The following MAST4 variants were observed in gnomAD, a reference collection of about 807,000 sequenced individuals.
MAST4 encodes the protein microtubule-associated serine/threonine-protein kinase 4.
MAST4 carries 89 observed loss-of-function variants against 162.7 expected under a neutral mutation model. The ratio of observed to expected loss-of-function variants is 0.55; its 90% CI spans 0.46 to 0.65. The LOEUF is 0.65. Ranked by LOEUF, MAST4 falls within the 30% of genes least tolerant of loss-of-function variation. MAST4 has a pLI of 0.00. For synonymous variants in MAST4, 1,479 were observed against 1,361.1 expected (o/e 1.09, Z -1.91); for missense variants, 3,153 against 3,374.0 (o/e 0.93, Z 1.62).
chr5:66,908,651 GT>G (rs1243514362), intron 4 of MAST4, among the ~76,000 whole-genome samples: 5 of 152,164 alleles, frequency 3.3e-5, no homozygotes, highest in African/African-American at 1.2e-4. Context: ...TTGGGGGAAA[GT>G]TTTTTAGTGA....
intron 1 of MAST4, among the ~76,000 whole-genome samples, chr5:66,739,338 C>G (rs1752349445): frequency 1.3e-5 from 2 of 152,118 alleles, no homozygotes; most frequent in East Asian, 3.8e-4. Context: ...ATTCTTGTTT[C>G]CTTGACCTCT....
chr5:66,700,747 G>A (rs1255918221), intron 1 of MAST4, among the ~76,000 whole-genome samples: 1 of 150,034 alleles, frequency 6.7e-6, no homozygotes, highest in African/African-American at 2.5e-5. Context: ...TCCTTTCTCT[G>A]TATGGAAATG....
At chr5:66,801,004 C>A (rs2149696332) in intron 3 of MAST4, among the ~76,000 whole-genome samples, 1 of 152,244 alleles carries the variant, frequency 6.6e-6, no homozygotes, top group Non-Finnish European at 1.5e-5. Flanking sequence ...ATATTCCCAT[C>A]TTTTTTTGCC....
chr5:66,845,126 T>TACATAC (rs1554058479), intron 3 of MAST4, among the ~76,000 whole-genome samples: 3 of 67,172 alleles, frequency 4.5e-5, no homozygotes, highest in African/African-American at 1.7e-4. Context: ...TATATATATA[T>TACATAC]ACACACACAC....
intron 1 of MAST4, among the ~76,000 whole-genome samples, chr5:66,715,344 G>A (rs1039397121): frequency 1.3e-5 from 2 of 152,144 alleles, no homozygotes; most frequent in Middle Eastern, 3.4e-3. Context: ...TGAACAGTTT[G>A]TCAAAAAATG....
chr5:66,821,688 G>A (rs1415110049), intron 3 of MAST4, among the ~76,000 whole-genome samples: 2 of 152,174 alleles, frequency 1.3e-5, no homozygotes, highest in East Asian at 1.9e-4. Context: ...ATGCTGTAGT[G>A]TGTGTTTTAG....
At chr5:66,885,167 G>T (rs1296590381) in intron 3 of MAST4, among the ~76,000 whole-genome samples, 6 of 152,108 alleles carry the variant, frequency 3.9e-5, no homozygotes, top group Admixed American at 3.9e-4. Flanking sequence ...CAGTCAATAT[G>T]TTTACTCTAC....
chr5:66,629,990 C>A (rs985495987), intron 1 of MAST4, among the ~76,000 whole-genome samples: 8 of 151,948 alleles, frequency 5.3e-5, no homozygotes, highest in African/African-American at 1.9e-4. Flanking sequence ...GGTTTAATAC[C>A]AATTTTTAAC....
At chr5:66,885,294 G>A (rs1038376656) in intron 3 of MAST4, among the ~76,000 whole-genome samples, 1 of 152,144 alleles carries the variant, frequency 6.6e-6, no homozygotes, top group Non-Finnish European at 1.5e-5. Flanking sequence ...ATGATTTTGT[G>A]TACTTTGAAG....
chr5:66,753,627 A>T (rs2149599187), intron 1 of MAST4, among the ~76,000 whole-genome samples: 1 of 151,802 alleles, frequency 6.6e-6, no homozygotes, highest in South Asian at 2.1e-4. Flanking sequence ...TGAATAGACC[A>T]ATAACAGGCT....
At chr5:66,608,362 T>A (rs75720261) in intron 1 of MAST4, among the ~76,000 whole-genome samples, 1 of 133,230 alleles carries the variant, frequency 7.5e-6, no homozygotes, top group East Asian at 2.1e-4. Context: ...GGCCTTTTTT[T>A]TTTTTTTTTT....
At chr5:66,789,584 G>C (rs1428479818) in intron 3 of MAST4, 1 of 343,102 alleles carries the variant, frequency 2.9e-6, no homozygotes, top group East Asian at 9.0e-5. Flanking sequence ...CGAGATTCAG[G>C]TTTTTGCATT....
rs137880884 is a variant in MAST4, at chr5:66,777,583, A to T, written c.518-11087A>T. Reference sequence around the variant, plus strand: ...TTGAAATCAACAGTTTGATTTTATGAGTTTAGAAATTAAGGGTCTTTCAAG... The same window carrying T: ...TTGAAATCAACAGTTTGATTTTATGTGTTTAGAAATTAAGGGTCTTTCAAG... On this transcript the variant is annotated intron_variant, in intron 2 of 28. Coordinates refer to ENST00000403625, the MANE Select transcript of MAST4 (RefSeq NM_001164664.2). Among the ~76,000 whole-genome samples the T allele has an allele frequency of 2.5e-4, 38 of 152,230 alleles. No homozygotes were observed. In the East Asian group the frequency reaches 7.3e-3, roughly 29 times the overall value.
At chr5:66,787,663 C>T (rs141876678) in intron 2 of MAST4, among the ~76,000 whole-genome samples, 2 of 152,320 alleles carry the variant, frequency 1.3e-5, no homozygotes, top group East Asian at 3.9e-4. Flanking sequence ...TGCTGCAATC[C>T]CTCATGATTC....
At chr5:66,720,973 T>C (rs902783959) in intron 1 of MAST4, among the ~76,000 whole-genome samples, 1 of 152,076 alleles carries the variant, frequency 6.6e-6, no homozygotes, top group African/African-American at 2.4e-5. Context: ...CACTCTCTCT[T>C]CCTGCTTGTT....
At chr5:66,691,113 A>G (rs1284678948) in intron 1 of MAST4, among the ~76,000 whole-genome samples, 1 of 152,222 alleles carries the variant, frequency 6.6e-6, no homozygotes, top group Non-Finnish European at 1.5e-5. Flanking sequence ...GAAACCAAGT[A>G]AATGGTGGAG....
intron 1 of MAST4, among the ~76,000 whole-genome samples, chr5:66,713,169 A>T (rs1367175630): frequency 6.6e-6 from 1 of 152,110 alleles, no homozygotes; most frequent in African/African-American, 2.4e-5. Flanking sequence ...TTTAAATACT[A>T]ATCTTGTTTG....
At chr5:67,044,870 C>T (rs530001195) in intron 4 of MAST4, among the ~76,000 whole-genome samples, 12 of 152,256 alleles carry the variant, frequency 7.9e-5, no homozygotes, top group African/African-American at 1.2e-4. Context: ...TTTAATTAGA[C>T]GGATGATCCC....
intron 1 of MAST4, among the ~76,000 whole-genome samples, chr5:66,631,578 A>G (rs1251769801): frequency 6.6e-6 from 1 of 152,068 alleles, no homozygotes; most frequent in Non-Finnish European, 1.5e-5. Context: ...TGCGCTAGGT[A>G]ATACTTTGTG....
Sources: allele counts gnomAD v4.1 joint callset (sites outside exome capture counted in the v4.1 genomes callset), GRCh38; gene constraint gnomAD v4.1.1; transcripts MANE v1.5; gene names NCBI Gene and HGNC (gene_info 2026-07-23, HGNC 2026-07-21).